Variants in KIDINS220 observed in about 807,000 individuals in gnomAD.
The protein encoded by KIDINS220 is kinase D-interacting substrate of 220 kDa.
KIDINS220 carries 63 observed loss-of-function variants against 157.6 expected under a neutral mutation model. That is an observed-to-expected ratio of 0.40 (90% confidence interval 0.33 to 0.49). KIDINS220 has a LOEUF of 0.49. Ranked by LOEUF, KIDINS220 falls within the 20% of genes least tolerant of loss-of-function variation. The pLI is 0.66. For synonymous variants in KIDINS220, 732 were observed against 783.6 expected, an observed-to-expected ratio of 0.93 and a Z score of 1.10; for missense variants, 1,772 against 2,171.2, an observed-to-expected ratio of 0.82 and a Z score of 3.65.
In KIDINS220 at chr2:8,773,981, G is replaced by T. The variant is rs375683078; in HGVS notation, c.2848+2767C>A. 1.7e-4 allele frequency among the ~76,000 whole-genome samples: 26 copies of T among 152,272 alleles called. No individual in the cohort carries two copies. The East Asian group carries it at 4.6e-3, about 27-fold the overall frequency. On this transcript the variant is annotated intron_variant, in intron 21 of 29. Transcript: ENST00000256707. ...ATTTAACAACAGTGTCCTAGACATT[G>T]TTCTGGGTACTGAGAAAACAACAAT...
At chr2:8,725,180 AAT>A (rs1436349272), downstream of KIDINS220, 17 of 152,362 alleles carry the variant, frequency 1.1e-4, no homozygotes, top group South Asian at 1.2e-3. Context: ...TCAAAATAAA[AAT>A]AGTTTAATTT....
intron 17 of KIDINS220, among the ~76,000 whole-genome samples, chr2:8,785,374 T>C (rs1047467922): frequency 6.6e-6 from 1 of 152,186 alleles, no homozygotes; most frequent in Non-Finnish European, 1.5e-5. Flanking sequence ...GCCCACAGAA[T>C]GTACCACACC....
intron 22 of KIDINS220, among the ~76,000 whole-genome samples, chr2:8,763,537 A>C (rs960642453): frequency 1.3e-5 from 2 of 152,230 alleles, no homozygotes; most frequent in African/African-American, 4.8e-5. Context: ...AATGCATGGG[A>C]CAGAATGAGG....
At position 8,804,129 on chromosome 2, in the gene KIDINS220, C is replaced by CGGA. The variant is rs138445676; in HGVS notation, c.604-1005_604-1003dup. On this transcript the variant is annotated intron_variant, in intron 7 of 29. Coordinates refer to ENST00000256707, the MANE Select transcript of KIDINS220 (RefSeq NM_020738.4). Reference sequence around the variant, plus strand: ...AAGGTATGTCATCTGCAGCTGCCTACGGACTATGCTGCCTCCACCAGCACA... The same window carrying CGGA: ...AAGGTATGTCATCTGCAGCTGCCTACGGAGGACTATGCTGCCTCCACCAGCACA... 7.3e-3 allele frequency among the ~76,000 whole-genome samples: 1,109 copies of CGGA among 152,324 alleles called. 5 individuals are homozygous for CGGA. Among genetic ancestry groups the CGGA allele is most frequent in the African/African-American group, 0.025 (1,055 of 41,564 alleles).
chr2:8,812,358 A>C (rs1676443218), intron 6 of KIDINS220, 37 bp downstream of exon 6: 1 of 1,156,790 alleles, frequency 8.6e-7, no homozygotes, highest in African/African-American at 1.5e-5. Context: ...AGTGGACATA[A>C]CATGGACTGG....
intron 3 of KIDINS220, 78 bp from the exon 4 acceptor site, chr2:8,817,794 T>C (rs1677301072): frequency 2.1e-6 from 2 of 934,704 alleles, no homozygotes; most frequent in South Asian, 1.6e-5. Flanking sequence ...CATTTGAACT[T>C]ACATACCAAA....
chr2:8,826,770 CAAT>C (rs1179282921), intron 2 of KIDINS220: 2 of 310,554 alleles, frequency 6.4e-6, no homozygotes, highest in Admixed American at 4.8e-5. Context: ...GGAAAAAAAA[CAAT>C]AAATCTAAAT....
rs754402153 is a variant in KIDINS220 at position 8,747,155 on chromosome 2, T to C, written c.3575A>G (p.Asp1192Gly). The change falls in exon 26 of 30, where the codon GAC becomes GGC. Residue 1192 changes from aspartate (D) to glycine (G), a missense_variant. By Grantham distance (94) the Asp-to-Gly change is moderately conservative (BLOSUM62 -1). Around this residue, in one of 3 missense-constraint regions of KIDINS220, gnomAD observed 793 missense variants for 885.5 expected, o/e 0.90. Coordinates refer to ENST00000256707, the MANE Select transcript of KIDINS220 (RefSeq NM_020738.4). ...DAAEGLSSPT[D>G]SSRGSGPAPG... ...GGACTACTCCATTACCCTCGAGGAGTCTGTGGGTGAAGAAAGCCCCTCAGC... is the reference window on the plus strand; with the variant it reads ...GGACTACTCCATTACCCTCGAGGAGCCTGTGGGTGAAGAAAGCCCCTCAGC... 1 of 1,613,692 alleles carries C rather than the reference T, an allele frequency of 6.2e-7. No homozygotes were observed. Among genetic ancestry groups the C allele is most frequent in the East Asian group, 2.2e-5 (1 of 44,876 alleles).
At chr2:8,783,584 A>G (rs1452617270) in intron 17 of KIDINS220, among the ~76,000 whole-genome samples, 1 of 152,010 alleles carries the variant, frequency 6.6e-6, no homozygotes, top group Non-Finnish European at 1.5e-5. Context: ...AAAAACCGAA[A>G]GAACCACAAT....
chr2:8,754,033 T>G (rs1395253728), intron 22 of KIDINS220, among the ~76,000 whole-genome samples: 1 of 152,224 alleles, frequency 6.6e-6, no homozygotes, highest in African/African-American at 2.4e-5. Flanking sequence ...GGAGAATGGT[T>G]GCAAGTGGTG....
intron 11 of KIDINS220, 129 bp downstream of exon 11, chr2:8,796,642 C>G: frequency 1.3e-6 from 1 of 759,460 alleles, no homozygotes; most frequent in Non-Finnish European, 2.3e-6. Context: ...CCAAAGCCCA[C>G]ACAGACATCC....
At chr2:8,736,606 G>T (rs1316608976) in intron 27 of KIDINS220, among the ~76,000 whole-genome samples, 1 of 152,160 alleles carries the variant, frequency 6.6e-6, no homozygotes. Context: ...TCTCATCAAG[G>T]CATTCTTTAC....
chr2:8,776,054 T>G (rs1670924108), intron 21 of KIDINS220, among the ~76,000 whole-genome samples: 2 of 152,206 alleles, frequency 1.3e-5, no homozygotes, highest in African/African-American at 4.8e-5. Flanking sequence ...ACAGTGAGGC[T>G]TGAGAACTCA....
At chr2:8,771,449 C>T (rs1670218571) in intron 21 of KIDINS220, among the ~76,000 whole-genome samples, 1 of 152,202 alleles carries the variant, frequency 6.6e-6, no homozygotes, top group Non-Finnish European at 1.5e-5. Context: ...TACCACTAGG[C>T]TTGTGTACAT....
chr2:8,735,360 C>T (rs1664719576), intron 27 of KIDINS220, among the ~76,000 whole-genome samples: 2 of 152,048 alleles, frequency 1.3e-5, no homozygotes. Flanking sequence ...GGTGAAATTC[C>T]ATCTCTATTA....
intron 29 of KIDINS220, 24 bp from the exon 30 acceptor site, chr2:8,732,006 T>C (rs374753023): frequency 6.6e-7 from 1 of 1,523,368 alleles, no homozygotes. Flanking sequence ...AAAAAAATAA[T>C]TTAAAAATTC....
intron 21 of KIDINS220, among the ~76,000 whole-genome samples, chr2:8,776,038 A>C (rs971853553): frequency 3.9e-5 from 6 of 152,222 alleles, no homozygotes; most frequent in African/African-American, 1.4e-4. Flanking sequence ...ATTGTTGAAC[A>C]TAAATACAGT....
Position 8,779,657 on chromosome 2 carries a change from A to T in KIDINS220, c.2370+17T>A. Reference sequence around the variant, plus strand: ...CACAACATAACAATGGTGGCTTTTGAGGTGGCGCAAACGTACAGTGTCCAG... The same window carrying T: ...CACAACATAACAATGGTGGCTTTTGTGGTGGCGCAAACGTACAGTGTCCAG... On this transcript the variant is annotated intron_variant, in intron 18 of 29. Transcript: ENST00000256707. 1 of 1,605,182 alleles carries T rather than the reference A, an allele frequency of 6.2e-7. No individual in the cohort carries two copies. The highest frequency in any genetic ancestry group is 8.5e-7 in the Non-Finnish European group (1 of 1,174,002).
At chr2:8,765,774 G>T (rs1370467600) in intron 22 of KIDINS220, among the ~76,000 whole-genome samples, 1 of 152,066 alleles carries the variant, frequency 6.6e-6, no homozygotes, top group Non-Finnish European at 1.5e-5. Flanking sequence ...CACAGTCATG[G>T]CACGCTGCAG....
Sources: gnomAD v4.1 joint callset for allele counts (sites outside exome capture counted in the v4.1 genomes callset) on GRCh38, gnomAD v4.1.1 for gene constraint, gnomAD v4.1.1 regional missense constraint, MANE v1.5 for transcripts, NCBI Gene and HGNC (gene_info 2026-07-23, HGNC 2026-07-21) for gene names.